PPIH: variants seen among roughly 807,000 people sequenced by gnomAD.
The protein encoded by PPIH is peptidyl-prolyl cis-trans isomerase H.
A neutral mutation model predicts 27.6 loss-of-function variants in PPIH; 16 were observed. The observed-to-expected ratio is 0.58, with a 90% confidence interval of 0.39 to 0.88. The LOEUF (loss-of-function observed/expected upper bound fraction) is 0.88, where lower values mean the gene tolerates loss of function less well. Ranked by LOEUF, PPIH falls within the 40% of genes least tolerant of loss-of-function variation. The pLI is 0.00. For synonymous variants in PPIH, 63 were observed against 76.1 expected (o/e 0.83, Z 0.90); for missense variants, 155 against 224.1 (o/e 0.69, Z 1.97).
intron 5 of PPIH, among the ~76,000 whole-genome samples, chr1:42,662,041 CA>C (rs2148711331): frequency 6.6e-6 from 1 of 152,306 alleles, no homozygotes; most frequent in South Asian, 2.1e-4. Context: ...CATTTGTTTG[CA>C]GCCCCGGGAA....
At chr1:42,673,159 T>C (rs1259713625) in intron 9 of PPIH, among the ~76,000 whole-genome samples, 1 of 151,926 alleles carries the variant, frequency 6.6e-6, no homozygotes, top group Non-Finnish European at 1.5e-5. Context: ...CACACCCAGC[T>C]AACTTTTTAG....
intron 4 of PPIH, 26 bp downstream of exon 4, chr1:42,659,592 G>A (rs760674172): frequency 6.2e-7 from 1 of 1,600,060 alleles, no homozygotes; most frequent in Non-Finnish European, 8.5e-7. Flanking sequence ...AGCCATCCTG[G>A]AGTCTTTCAG....
chr1:42,679,473 G>T (rs994607248), downstream of PPIH, among the ~76,000 whole-genome samples: 2 of 152,208 alleles, frequency 1.3e-5, no homozygotes, highest in East Asian at 3.9e-4. Context: ...ATGAGCCACC[G>T]TGCCTGGCTG....
downstream of PPIH, among the ~76,000 whole-genome samples, chr1:42,677,445 C>G (rs1649924852): frequency 6.6e-6 from 1 of 152,166 alleles, no homozygotes; most frequent in Non-Finnish European, 1.5e-5. Context: ...GCACTCCAGC[C>G]TGGGTGACAG....
chr1:42,669,194 CAAA>C (rs11297325), intron 9 of PPIH, among the ~76,000 whole-genome samples: 63 of 131,492 alleles, frequency 4.8e-4, no homozygotes, highest in East Asian at 1.6e-3. Context: ...TGGATGACAT[CAAA>C]AAAAAAAAAA....
At chr1:42,677,775 T>C (rs1649932238), downstream of PPIH, among the ~76,000 whole-genome samples, 1 of 151,476 alleles carries the variant, frequency 6.6e-6, no homozygotes, top group Non-Finnish European at 1.5e-5. Context: ...CAGTGAGTTA[T>C]GATCGTGCCA....
downstream of PPIH, chr1:42,681,407 C>T (rs1440711108): frequency 2.0e-5 from 3 of 152,174 alleles, no homozygotes; most frequent in African/African-American, 7.2e-5. Flanking sequence ...ACCGTGTTGG[C>T]TGTTTAAATT....
chr1:42,659,386 T>A (rs1427124829), intron 3 of PPIH, 135 bp downstream of exon 3: 2 of 1,613,934 alleles, frequency 1.2e-6, no homozygotes, highest in Non-Finnish European at 1.7e-6. Context: ...GCCCCAAGGG[T>A]CTGTCCCTAG....
At position 42,664,887 on chromosome 1, in the gene PPIH, A is replaced by G. The variant is rs1649246710; in HGVS notation, c.268A>G (p.Ile90Val). The G allele has an allele frequency of 6.2e-7, 1 of 1,613,588 alleles. No individual in the cohort carries two copies. Among genetic ancestry groups the G allele is most frequent in the South Asian group, 1.1e-5 (1 of 90,976 alleles). The change falls in exon 6 of 10, where the codon ATT becomes GTT. Residue 90 changes from isoleucine (I) to valine (V), a missense_variant. Physicochemically the swap from Ile to Val is conservative, Grantham distance 29. This residue lies in a region of PPIH where 96 missense variants were observed against 175.3 expected (regional missense o/e 0.55). Coordinates refer to ENST00000304979, the MANE Select transcript of PPIH (RefSeq NM_006347.4). ...GGGAGATGGTACTGGAGTCGCCAGT[A>G]TTTACCGGGGGCCATTTGCAGATGA... ...VNGDGTGVAS[I>V]YRGPFADENF... is the part of the protein sequence containing the mutation.
intron 9 of PPIH, among the ~76,000 whole-genome samples, chr1:42,673,526 T>C (rs1233827473): frequency 6.6e-6 from 1 of 152,222 alleles, no homozygotes; most frequent in Non-Finnish European, 1.5e-5. Flanking sequence ...CCTTAATTCA[T>C]TGTTGCCTAG....
downstream of PPIH, among the ~76,000 whole-genome samples, chr1:42,678,000 T>G (rs1006091975): frequency 6.6e-6 from 1 of 152,184 alleles, no homozygotes; most frequent in Admixed American, 6.5e-5. Context: ...ACAATAGAAC[T>G]TGGTTAAAAG....
chr1:42,659,538 A>G lies in PPIH; in HGVS notation c.172A>G (p.Ile58Val). ...TGEFRKDGVP[I>V]GYKGSTFHRV... ...CGGTTATAGGAAAGATGGGGTTCCAATAGGATACAAAGGAAGCACCTTCCA... is the reference window on the plus strand; with the variant it reads ...CGGTTATAGGAAAGATGGGGTTCCAGTAGGATACAAAGGAAGCACCTTCCA... The change falls in exon 4 of 10, where the codon ATA (isoleucine) becomes GTA (valine). Residue 58 changes from isoleucine (I) to valine (V), a missense_variant. By Grantham distance (29) the Ile-to-Val change is conservative. This residue lies in a region of PPIH where 96 missense variants were observed against 175.3 expected (regional missense o/e 0.55). Coordinates refer to ENST00000304979, the MANE Select transcript of PPIH (RefSeq NM_006347.4). 1 of 1,614,110 alleles carries G rather than the reference A, an allele frequency of 6.2e-7. No individual in the cohort carries two copies. Among genetic ancestry groups the G allele is most frequent in the Non-Finnish European group, 8.5e-7 (1 of 1,180,026 alleles).
intron 9 of PPIH, among the ~76,000 whole-genome samples, chr1:42,671,026 G>A (rs938407716): frequency 3.3e-5 from 5 of 152,096 alleles, no homozygotes; most frequent in South Asian, 4.1e-4. Context: ...GAACTCCTAA[G>A]CTCAGGTAAT....
At chr1:42,659,745 CTTAGGTCTTTAAA>C (rs1405927178) in intron 4 of PPIH, among the ~76,000 whole-genome samples, 179 bp downstream of exon 4, 1 of 152,228 alleles carries the variant, frequency 6.6e-6, no homozygotes, top group Non-Finnish European at 1.5e-5. Context: ...TCCCCCACTT[CTTAGGTCTTTAAA>C]ACAGAAACTA....
intron 4 of PPIH, 57 bp from the exon 5 acceptor site, chr1:42,660,805 C>T: frequency 7.3e-7 from 1 of 1,362,804 alleles, no homozygotes; most frequent in Non-Finnish European, 1.0e-6. Context: ...ATAATAACAA[C>T]ATCTATGTTT....
chr1:42,664,368 A>G (rs974459071), intron 5 of PPIH, among the ~76,000 whole-genome samples: 4 of 152,230 alleles, frequency 2.6e-5, no homozygotes, highest in African/African-American at 7.2e-5. Context: ...TAGTTGGCCC[A>G]GAGTGAGTTA....
chr1:42,662,128 T>C (rs550489472), intron 5 of PPIH, among the ~76,000 whole-genome samples: 7 of 152,312 alleles, frequency 4.6e-5, no homozygotes, highest in South Asian at 2.1e-4. Flanking sequence ...TCCTTTTTTT[T>C]CCCCTAGGCT....
At chr1:42,675,125 G>A (rs181808977) in intron 9 of PPIH, among the ~76,000 whole-genome samples, 11 of 152,352 alleles carry the variant, frequency 7.2e-5, no homozygotes, top group Admixed American at 2.6e-4. Context: ...AATCTCTGCA[G>A]TGATATATAG....
At chr1:42,671,728 G>A (rs1325116038) in intron 9 of PPIH, among the ~76,000 whole-genome samples, 2 of 152,200 alleles carry the variant, frequency 1.3e-5, no homozygotes, top group African/African-American at 4.8e-5. Flanking sequence ...GCAGTCTAAT[G>A]TAAAGGGGTT....
Sources: gnomAD v4.1 joint callset for allele counts (sites outside exome capture counted in the v4.1 genomes callset) on GRCh38, gnomAD v4.1.1 for gene constraint, gnomAD v4.1.1 regional missense constraint, MANE v1.5 for transcripts, NCBI Gene and HGNC (gene_info 2026-07-23, HGNC 2026-07-21) for gene names.